The following COBLL1 variants were observed in gnomAD, a reference collection of about 807,000 sequenced individuals.
The protein encoded by COBLL1 is cordon-bleu WH2 repeat protein like 1.
A neutral mutation model predicts 94.8 loss-of-function variants in COBLL1; 50 were observed. That is an observed-to-expected ratio of 0.53 (90% confidence interval 0.42 to 0.67). The LOEUF (loss-of-function observed/expected upper bound fraction) is 0.67. COBLL1 is among the 30% of genes least tolerant of loss of function. The pLI, the probability that COBLL1 is intolerant of heterozygous loss-of-function variation, is 0.00. For synonymous variants in COBLL1, 448 were observed against 473.8 expected (o/e 0.95, Z 0.71); for missense variants, 1,362 against 1,348.7 (o/e 1.01, Z -0.15).
chr2:164,689,587 C>T (rs1683485351), intron 13 of COBLL1, among the ~76,000 whole-genome samples: 1 of 152,122 alleles, frequency 6.6e-6, no homozygotes, highest in Non-Finnish European at 1.5e-5. Flanking sequence ...GAAAAATTCA[C>T]TAAATGTAAA....
At chr2:164,676,384 A>G (rs1691336852), downstream of COBLL1, among the ~76,000 whole-genome samples, 2 of 152,218 alleles carry the variant, frequency 1.3e-5, 1 homozygote, top group South Asian at 4.1e-4. Flanking sequence ...CTTTATTTGC[A>G]GAGTCTCAGC....
chr2:164,780,665 G>A (rs553938747), intron 2 of COBLL1, among the ~76,000 whole-genome samples: 136 of 152,226 alleles, frequency 8.9e-4, no homozygotes, highest in Non-Finnish European at 1.5e-3. Flanking sequence ...GAGCTGCAGC[G>A]CTCCTATTTA....
At chr2:164,830,217 G>T (rs1252738052) in intron 2 of COBLL1, among the ~76,000 whole-genome samples, 3 of 152,142 alleles carry the variant, frequency 2.0e-5, no homozygotes, top group Non-Finnish European at 4.4e-5. Flanking sequence ...TGGTACCTTT[G>T]TGTTCAAACC....
At chr2:164,732,859 T>C (rs1686089586) in intron 3 of COBLL1, among the ~76,000 whole-genome samples, 4 of 152,114 alleles carry the variant, frequency 2.6e-5, no homozygotes, top group Admixed American at 2.6e-4. Context: ...ATCAAGGCCA[T>C]CCTGGCTAAC....
intron 2 of COBLL1, among the ~76,000 whole-genome samples, chr2:164,662,510 T>G (rs994219004): frequency 6.6e-6 from 1 of 152,238 alleles, no homozygotes; most frequent in Non-Finnish European, 1.5e-5. Context: ...GCATTTAGCA[T>G]TTTTAATGTT....
chr2:164,805,324 TCTCTCTCTCTCTCTA>T, intron 2 of COBLL1, among the ~76,000 whole-genome samples: 2 of 57,068 alleles, frequency 3.5e-5, no homozygotes, highest in African/African-American at 1.3e-4. Flanking sequence ...TCTCTCTCTC[TCTCTCTCTCTCTCTA>T]TATATATATA....
chr2:164,659,062 C>T lies in COBLL1; in HGVS notation n.182-5148G>A, dbSNP rs146659669. Among the ~76,000 whole-genome samples, 239 of 152,194 alleles carry T rather than the reference C, an allele frequency of 1.6e-3. 1 individual carries two copies. Among genetic ancestry groups the T allele is most frequent in the Non-Finnish European group, 2.5e-3 (168 of 68,022 alleles). On this transcript the variant is annotated intron_variant and non_coding_transcript_variant, in intron 2 of 2. Transcript: ENST00000495084. ...TCCTGATGTTTGATAGGTGTTCCCT[C>T]GAAATTAAGAATTCCCTTTCTCTCC...
Position 164,687,219 on chromosome 2 carries a change from T to C in COBLL1, c.3301-1187A>G, listed in dbSNP as rs1284256742. 11 of 413,432 alleles carry C rather than the reference T, an allele frequency of 2.7e-5. No individual in the cohort carries two copies. In the Admixed American group the frequency reaches 4.3e-4, roughly 16 times the overall value. The allele number at this position is 413,432 out of a possible 1,614,324, so 25.6% of individuals were successfully genotyped here. Reference sequence around the variant, plus strand: ...ACAGGTAATGACTTTCTTTCTTTTTTTTTTTTTTGGAGAGGAAGTAGAATT... The same window carrying C: ...ACAGGTAATGACTTTCTTTCTTTTTCTTTTTTTTGGAGAGGAAGTAGAATT... On this transcript the variant is annotated intron_variant, in intron 13 of 13. Coordinates refer to ENST00000652658, the MANE Select transcript of COBLL1 (RefSeq NM_001365672.2).
chr2:164,681,352 C>T lies in COBLL1; in HGVS notation c.*4594G>A, dbSNP rs1194323072. ...GACCATTCAGCTGTTTCAGAGATGT[C>T]TTTCTCACAGCAACATTTCAAATAC... On this transcript the variant is annotated 3_prime_UTR_variant, in exon 14 of 14. Transcript: ENST00000652658. 6.6e-6 allele frequency: 1 copy of T among 152,140 alleles called. No individual in the cohort carries two copies. The highest frequency in any genetic ancestry group is 1.5e-5 in the Non-Finnish European group (1 of 68,062). 9.4% of individuals were successfully genotyped at this position (152,140 alleles called of 1,614,324 possible).
intron 2 of COBLL1, among the ~76,000 whole-genome samples, chr2:164,807,439 A>G (rs1295377560): frequency 6.6e-6 from 1 of 151,584 alleles, no homozygotes; most frequent in Non-Finnish European, 1.5e-5. Context: ...CTTCGTCTCA[A>G]TTAAAAAAAA....
chr2:164,830,782 A>T (rs1013895122), intron 2 of COBLL1, among the ~76,000 whole-genome samples: 2 of 152,222 alleles, frequency 1.3e-5, no homozygotes, highest in African/African-American at 4.8e-5. Context: ...AAGTGAAGTA[A>T]ACTAGAAGGT....
At chr2:164,710,366 C>T (rs983578765) in intron 7 of COBLL1, among the ~76,000 whole-genome samples, 5 of 152,014 alleles carry the variant, frequency 3.3e-5, no homozygotes, top group African/African-American at 4.8e-5. Flanking sequence ...CTGGGATTTA[C>T]AGAGAATATA....
At chr2:164,754,114 G>A (rs1687274324) in intron 2 of COBLL1, among the ~76,000 whole-genome samples, 1 of 152,106 alleles carries the variant, frequency 6.6e-6, no homozygotes, top group South Asian at 2.1e-4. Flanking sequence ...CATCTGAGTT[G>A]AGAAGTGCTA....
rs1047493949 is a variant in COBLL1 at position 164,734,842 on chromosome 2, C to T, written c.231-4727G>A. On this transcript the variant is annotated intron_variant, in intron 3 of 13. Coordinates refer to ENST00000652658, the MANE Select transcript of COBLL1 (RefSeq NM_001365672.2). ...CTTACTATAACTCTACAAGCCATCA[C>T]TAAGGTTCTGGTAGCCTTGGGAGGT... is the stretch of plus-strand genomic sequence containing the variant. Among the ~76,000 whole-genome samples the T allele has an allele frequency of 9.7e-4, 148 of 152,164 alleles. 1 individual carries two copies. Among genetic ancestry groups the T allele is most frequent in the African/African-American group, 3.5e-3 (147 of 41,428 alleles).
chr2:164,712,713 G>A (rs1684959892), intron 7 of COBLL1, among the ~76,000 whole-genome samples: 1 of 151,862 alleles, frequency 6.6e-6, no homozygotes, highest in Non-Finnish European at 1.5e-5. Flanking sequence ...TAATTTAGAA[G>A]AATGAGGTCT....
At chr2:164,721,996 A>C (rs1469768664) in intron 7 of COBLL1, 79 bp downstream of exon 7, 5 of 1,085,898 alleles carry the variant, frequency 4.6e-6, no homozygotes, top group Non-Finnish European at 5.4e-6. Flanking sequence ...GTCTACCTAG[A>C]AAAGATGTTA....
intron 3 of COBLL1, 172 bp downstream of exon 3, chr2:164,743,515 T>A: frequency 1.7e-6 from 1 of 585,522 alleles, no homozygotes; most frequent in African/African-American, 1.9e-5. Flanking sequence ...TATTAAAACA[T>A]TGATAGAAAA....
At chr2:164,741,665 G>A (rs1686602798) in intron 3 of COBLL1, among the ~76,000 whole-genome samples, 1 of 152,048 alleles carries the variant, frequency 6.6e-6, no homozygotes, top group Non-Finnish European at 1.5e-5. Flanking sequence ...AACAGTTGGT[G>A]GCCCAGAAAC....
At chr2:164,797,468 G>T (rs1683523381) in intron 2 of COBLL1, among the ~76,000 whole-genome samples, 1 of 151,890 alleles carries the variant, frequency 6.6e-6, no homozygotes, top group African/African-American at 2.4e-5. Flanking sequence ...TAAATCAACT[G>T]TATATAAGAC....
Sources: gnomAD v4.1 joint callset for allele counts (sites outside exome capture counted in the v4.1 genomes callset) on GRCh38, gnomAD v4.1.1 for gene constraint, MANE v1.5 for transcripts, NCBI Gene and HGNC (gene_info 2026-07-23, HGNC 2026-07-21) for gene names.